GPC6: variants seen among roughly 807,000 people sequenced by gnomAD.
GPC6 encodes glypican-6.
Under a neutral mutation model 55.2 loss-of-function variants are expected in GPC6, and 14 were observed. The ratio of observed to expected loss-of-function variants is 0.25; its 90% confidence interval spans 0.17 to 0.40. GPC6 has a LOEUF of 0.40. Ranked by LOEUF, GPC6 falls within the 10% of genes least tolerant of loss-of-function variation. The probability of loss-of-function intolerance (pLI) is 1.00; values close to 1 mark genes in which losing one functional copy is unlikely to be tolerated. For synonymous variants in GPC6, 278 were observed against 259.6 expected (o/e 1.07, Z -0.68); for missense variants, 641 against 708.5 (o/e 0.90, Z 1.08).
rs137946128 is a variant in GPC6 at position 93,600,499 on chromosome 13, A to G, written c.319+55078A>G. ...CTTTCTAAGAGTGGGGAAATACTCT[A>G]TCTAAAACGTCTCCAGAAAAAAGTT... On this transcript the variant is annotated intron_variant, in intron 2 of 8. Transcript: ENST00000377047. 1.9e-3 allele frequency among the ~76,000 whole-genome samples: 290 copies of G among 152,314 alleles called. 2 individuals are homozygous for G. Among genetic ancestry groups the G allele is most frequent in the African/African-American group, 6.4e-3 (267 of 41,566 alleles).
In GPC6 at chr13:93,717,627, ATTATACT is replaced by A. The variant is rs1883296014; in HGVS notation, c.320-112522_320-112516del. On this transcript the variant is annotated intron_variant, in intron 2 of 8. Transcript: ENST00000377047. ...ATTATTTTTTAGTTATTATTATTTA[ATTATACT>A]TTATGTTCTGGGATACATGTGCAGA... 3.3e-5 allele frequency among the ~76,000 whole-genome samples: 5 copies of A among 151,708 alleles called. No homozygotes were observed. In the South Asian group the frequency reaches 1.0e-3, roughly 31 times the overall value.
intron 4 of GPC6, among the ~76,000 whole-genome samples, chr13:94,165,632 A>C (rs553462974): frequency 9.2e-4 from 140 of 152,000 alleles, no homozygotes; most frequent in African/African-American, 3.2e-3. Context: ...CTTCCCCAAA[A>C]ATCTATGGAA....
chr13:94,039,973 GGCCAT>G (rs1468477616), intron 4 of GPC6, among the ~76,000 whole-genome samples: 1 of 151,708 alleles, frequency 6.6e-6, no homozygotes, highest in Non-Finnish European at 1.5e-5. Context: ...ATGATTTAAC[GGCCAT>G]GCCTCAATCG....
intron 3 of GPC6, among the ~76,000 whole-genome samples, chr13:93,864,914 T>G (rs1325192934): frequency 1.3e-5 from 2 of 151,714 alleles, no homozygotes; most frequent in Non-Finnish European, 2.9e-5. Flanking sequence ...GTGTAAAATC[T>G]CATGACTTAA....
At chr13:93,883,012 G>A (rs372442438) in intron 3 of GPC6, among the ~76,000 whole-genome samples, 2 of 151,728 alleles carry the variant, frequency 1.3e-5, no homozygotes, top group African/African-American at 4.8e-5. Flanking sequence ...TGAATCTCTC[G>A]TATTTTCTTT....
intron 3 of GPC6, among the ~76,000 whole-genome samples, chr13:93,949,771 A>G (rs889425805): frequency 6.6e-6 from 1 of 152,170 alleles, no homozygotes; most frequent in African/African-American, 2.4e-5. Flanking sequence ...TCTGTCAACC[A>G]GGCTGGAGAG....
chr13:93,830,896 G>A, intron 3 of GPC6: 1 of 243,056 alleles, frequency 4.1e-6, no homozygotes, highest in Non-Finnish European at 8.0e-6. Context: ...AAATACTCAT[G>A]AAAGAATCCA....
chr13:93,444,783 C>A (rs1327969186), intron 1 of GPC6, among the ~76,000 whole-genome samples: 1 of 152,274 alleles, frequency 6.6e-6, no homozygotes, highest in South Asian at 2.1e-4. Flanking sequence ...ATAATTATTT[C>A]CTTTTAATCC....
chr13:93,838,928 C>A (rs1315862763), intron 3 of GPC6, among the ~76,000 whole-genome samples: 1 of 152,110 alleles, frequency 6.6e-6, no homozygotes, highest in African/African-American at 2.4e-5. Context: ...CAACATTTAT[C>A]TAGAGAAAGA....
intron 4 of GPC6, among the ~76,000 whole-genome samples, chr13:94,125,252 A>G (rs1228854674): frequency 6.6e-6 from 1 of 152,112 alleles, no homozygotes; most frequent in Non-Finnish European, 1.5e-5. Context: ...AGACAGGTGT[A>G]TTTTATGACA....
At chr13:93,324,210 C>T (rs555442746) in intron 1 of GPC6, among the ~76,000 whole-genome samples, 1 of 152,158 alleles carries the variant, frequency 6.6e-6, no homozygotes, top group Admixed American at 6.5e-5. Context: ...ATAAACATCA[C>T]ATATTCTCAC....
intron 4 of GPC6, among the ~76,000 whole-genome samples, chr13:94,129,655 G>A (rs1886943092): frequency 2.0e-5 from 3 of 152,036 alleles, no homozygotes; most frequent in Admixed American, 2.0e-4. Flanking sequence ...CTGGGTCATC[G>A]TTCTAACTTC....
chr13:93,429,685 A>G (rs1440655269), intron 1 of GPC6, among the ~76,000 whole-genome samples: 2 of 152,158 alleles, frequency 1.3e-5, no homozygotes, highest in Admixed American at 6.6e-5. Flanking sequence ...AAAAAGGACA[A>G]GCAACGACTT....
At chr13:94,355,472 T>C (rs1439809631) in intron 6 of GPC6, among the ~76,000 whole-genome samples, 2 of 152,182 alleles carry the variant, frequency 1.3e-5, no homozygotes, top group South Asian at 2.1e-4. Flanking sequence ...ATAATCCCCA[T>C]ACACATCGTA....
At chr13:93,830,033 T>C (rs1887422643) in intron 2 of GPC6, 121 bp from the exon 3 acceptor site, 1 of 671,208 alleles carries the variant, frequency 1.5e-6, no homozygotes, top group Admixed American at 2.7e-5. Flanking sequence ...ATTAACACCT[T>C]AATCACAGGA....
intron 2 of GPC6, among the ~76,000 whole-genome samples, chr13:93,637,796 A>G (rs1421360534): frequency 2.0e-5 from 3 of 152,118 alleles, no homozygotes; most frequent in African/African-American, 4.8e-5. Context: ...GCAGCCTGAA[A>G]TGCATTGCTA....
chr13:93,362,914 G>A (rs533467188), intron 1 of GPC6, among the ~76,000 whole-genome samples: 3 of 152,034 alleles, frequency 2.0e-5, no homozygotes, highest in South Asian at 2.1e-4. Context: ...AGATTCCATC[G>A]CCCCACTGAC....
At chr13:93,583,827 C>T (rs1877062676) in intron 2 of GPC6, among the ~76,000 whole-genome samples, 1 of 152,128 alleles carries the variant, frequency 6.6e-6, no homozygotes. Flanking sequence ...TAGCAAACCC[C>T]GTAGTGAGAA....
rs570407971 is a variant in GPC6 at position 93,238,696 on chromosome 13, T to C, written c.160+11080T>C. 4.8e-3 allele frequency among the ~76,000 whole-genome samples: 735 copies of C among 151,818 alleles called. 5 individuals are homozygous for C. The highest frequency in any genetic ancestry group is 0.02 in the South Asian group (97 of 4,800). The stretch of plus-strand genomic sequence containing the variant: ...CTTATGGGGGGATGCTTTCAACTTT[T>C]CCCCTTCAGTATGATGTTCACTGTG... On this transcript the variant is annotated intron_variant, in intron 1 of 8. Transcript: ENST00000377047.
Sources: gnomAD v4.1 joint callset for allele counts (sites outside exome capture counted in the v4.1 genomes callset) on GRCh38, gnomAD v4.1.1 for gene constraint, MANE v1.5 for transcripts, NCBI Gene and HGNC (gene_info 2026-07-23, HGNC 2026-07-21) for gene names.